The following MAPK4 variants were observed in gnomAD, a reference collection of about 807,000 sequenced individuals.
MAPK4 encodes the protein Erk3-related.
MAPK4 carries 22 observed loss-of-function variants against 47.7 expected under a neutral mutation model. The observed-to-expected ratio is 0.46, with a 90% CI of 0.33 to 0.66. MAPK4 has a LOEUF of 0.66. Ranked by LOEUF, MAPK4 falls within the 30% of genes least tolerant of loss-of-function variation. The pLI is 0.02. For synonymous variants in MAPK4, 390 were observed against 365.7 expected (o/e 1.07, Z -0.76); for missense variants, 736 against 831.7 (o/e 0.88, Z 1.42).
intron 2 of MAPK4, among the ~76,000 whole-genome samples, chr18:50,669,004 C>T (rs895804654): frequency 6.6e-6 from 1 of 152,220 alleles, no homozygotes; most frequent in Non-Finnish European, 1.5e-5. Context: ...GTACGCAGGG[C>T]TAAATCACTA....
chr18:50,708,453 C>G (rs1029070427), intron 2 of MAPK4, among the ~76,000 whole-genome samples: 3 of 152,316 alleles, frequency 2.0e-5, no homozygotes, highest in African/African-American at 7.2e-5. Context: ...ATCATAAAGA[C>G]CATCTAGGAA....
intron 2 of MAPK4, chr18:50,705,965 G>C (rs893135466): frequency 2.6e-5 from 4 of 152,144 alleles, no homozygotes; most frequent in African/African-American, 7.2e-5. Flanking sequence ...TCACTGCTGG[G>C]ATCAGATCTC....
intron 5 of MAPK4, 67 bp downstream of exon 5, chr18:50,726,242 C>A: frequency 6.9e-7 from 1 of 1,446,816 alleles, no homozygotes. Context: ...TGCCTCTAAT[C>A]CTCCGTGACC....
chr18:50,683,475 T>TGC (rs1215498332), intron 2 of MAPK4, among the ~76,000 whole-genome samples: 2 of 151,814 alleles, frequency 1.3e-5, no homozygotes, highest in African/African-American at 4.8e-5. Context: ...TGTGTGTGTG[T>TGC]GTGTGTGTGT....
At chr18:50,643,516 C>T (rs925648789) in intron 1 of MAPK4, among the ~76,000 whole-genome samples, 5 of 152,246 alleles carry the variant, frequency 3.3e-5, no homozygotes, top group Non-Finnish European at 7.3e-5. Flanking sequence ...GAATGAAACT[C>T]CATCTCTAAA....
intron 5 of MAPK4, 76 bp downstream of exon 5, chr18:50,726,251 C>A: frequency 7.1e-7 from 1 of 1,405,308 alleles, no homozygotes; most frequent in Non-Finnish European, 9.9e-7. Context: ...TCCTCCGTGA[C>A]CTTCCCCTCT....
chr18:50,707,016 C>T (rs1436785430), intron 2 of MAPK4, among the ~76,000 whole-genome samples: 4 of 152,210 alleles, frequency 2.6e-5, no homozygotes, highest in Non-Finnish European at 5.9e-5. Context: ...CCACATTTCA[C>T]CGAAGTGCTT....
Position 50,655,416 on chromosome 18 carries a change from G to A in MAPK4, c.-870-7673G>A, listed in dbSNP as rs1168022415. Among the ~76,000 whole-genome samples, 6 of 151,814 alleles carry A rather than the reference G, an allele frequency of 4.0e-5. No homozygotes were observed. In the East Asian group the frequency reaches 1.2e-3, roughly 29 times the overall value. On this transcript the variant is annotated intron_variant, in intron 1 of 5. Coordinates refer to ENST00000400384, the MANE Select transcript of MAPK4 (RefSeq NM_002747.4). The stretch of plus-strand genomic sequence containing the variant: ...TGGGCATGAGAGAGGAACAGGCATA[G>A]GGACTGTAGCCCAAGGTTGGCATCA...
At chr18:50,648,044 A>G (rs1405965559) in intron 1 of MAPK4, among the ~76,000 whole-genome samples, 1 of 152,124 alleles carries the variant, frequency 6.6e-6, no homozygotes, top group East Asian at 1.9e-4. Context: ...ATAAGGGTAA[A>G]TCTAGACACC....
intron 1 of MAPK4, among the ~76,000 whole-genome samples, chr18:50,649,379 C>T (rs942033625): frequency 6.6e-6 from 1 of 152,224 alleles, no homozygotes; most frequent in Non-Finnish European, 1.5e-5. Flanking sequence ...AGGCCTAGTT[C>T]TAAAAGCAAT....
chr18:50,569,427 A>T (rs1232558689), intron 1 of MAPK4, among the ~76,000 whole-genome samples: 2 of 152,212 alleles, frequency 1.3e-5, no homozygotes, highest in African/African-American at 4.8e-5. Context: ...TTAACTTCTT[A>T]AGGTTTTCTG....
intron 2 of MAPK4, among the ~76,000 whole-genome samples, chr18:50,676,503 G>T (rs1025473326): frequency 6.6e-5 from 10 of 152,102 alleles, no homozygotes; most frequent in African/African-American, 2.4e-4. Flanking sequence ...TGAGACTCAG[G>T]GACACTGTAA....
chr18:50,682,651 A>G (rs1325903738), intron 2 of MAPK4, among the ~76,000 whole-genome samples: 2 of 152,244 alleles, frequency 1.3e-5, no homozygotes, highest in East Asian at 1.9e-4. Flanking sequence ...AATCAATGTT[A>G]TAACCATTTT....
At chr18:50,701,002 C>T (rs1023784038) in intron 2 of MAPK4, among the ~76,000 whole-genome samples, 3 of 152,268 alleles carry the variant, frequency 2.0e-5, no homozygotes, top group Admixed American at 6.5e-5. Context: ...ATGCCCTTCA[C>T]GTGTTCCCTC....
intron 2 of MAPK4, among the ~76,000 whole-genome samples, chr18:50,697,530 G>T (rs1909578846): frequency 6.6e-6 from 1 of 152,188 alleles, no homozygotes; most frequent in African/African-American, 2.4e-5. Flanking sequence ...ATTGGTGATG[G>T]TGATGATTAG....
chr18:50,710,498 C>G (rs1910292788), intron 2 of MAPK4, among the ~76,000 whole-genome samples: 1 of 151,158 alleles, frequency 6.6e-6, no homozygotes, highest in Non-Finnish European at 1.5e-5. Flanking sequence ...AATAAATAGG[C>G]CAGGCGCGGA....
intron 2 of MAPK4, among the ~76,000 whole-genome samples, chr18:50,670,486 G>A (rs1907878966): frequency 6.6e-6 from 1 of 152,174 alleles, no homozygotes; most frequent in African/African-American, 2.4e-5. Flanking sequence ...GCCGGGTGTG[G>A]TGGCTCACGC....
chr18:50,565,079 C>G (rs2042187120), intron 1 of MAPK4, among the ~76,000 whole-genome samples: 1 of 152,218 alleles, frequency 6.6e-6, no homozygotes, highest in Non-Finnish European at 1.5e-5. Context: ...AATGACTGGA[C>G]AGCTGTGTTT....
At chr18:50,561,705 C>T (rs1457263849) in intron 1 of MAPK4, among the ~76,000 whole-genome samples, 1 of 152,152 alleles carries the variant, frequency 6.6e-6, no homozygotes, top group Non-Finnish European at 1.5e-5. Context: ...CTTTCCAAAC[C>T]GCTTGTGTGG....
Sources: allele counts gnomAD v4.1 joint callset (sites outside exome capture counted in the v4.1 genomes callset), GRCh38; gene constraint gnomAD v4.1.1; transcripts MANE v1.5; gene names NCBI Gene and HGNC (gene_info 2026-07-23, HGNC 2026-07-21).